The following CNDP1 variants were observed in gnomAD, a reference collection of about 807,000 sequenced individuals.
CNDP1 encodes the protein carnosine dipeptidase 1.
In CNDP1, 44 loss-of-function variants were observed where a neutral mutation model predicts 58.1. The observed-to-expected ratio is 0.76, with a 90% CI of 0.60 to 0.97. The LOEUF is 0.97. CNDP1 is among the 50% of genes least tolerant of loss of function. CNDP1 has a pLI of 0.00. For synonymous variants in CNDP1, 254 were observed against 252.6 expected, an observed-to-expected ratio of 1.01 and a Z score of -0.05; for missense variants, 616 against 655.1, an observed-to-expected ratio of 0.94 and a Z score of 0.65.
chr18:74,576,657 G>A (rs1599101734), intron 7 of CNDP1: 1 of 452,520 alleles, frequency 2.2e-6, no homozygotes, highest in Non-Finnish European at 3.9e-6. Context: ...ACTAAAGCAG[G>A]GCGGACTCCA....
intron 7 of CNDP1, among the ~76,000 whole-genome samples, chr18:74,572,986 T>C (rs1390298294): frequency 6.6e-6 from 1 of 152,142 alleles, no homozygotes; most frequent in Non-Finnish European, 1.5e-5. Context: ...CTCAAGGTCT[T>C]CAGCATCATT....
chr18:74,583,518 T>C (rs1270622511), intron 10 of CNDP1, 43 bp from the exon 11 acceptor site: 54 of 1,581,884 alleles, frequency 3.4e-5, no homozygotes, highest in Non-Finnish European at 4.7e-5. Context: ...CTGGGGGTGT[T>C]CTTGTCCTTA....
intron 10 of CNDP1, among the ~76,000 whole-genome samples, chr18:74,580,638 T>C (rs1264179250): frequency 6.6e-6 from 1 of 152,064 alleles, no homozygotes; most frequent in Non-Finnish European, 1.5e-5. Flanking sequence ...TACAAACTCA[T>C]AGAAATGTTG....
chr18:74,579,762 G>C (rs909609390), intron 9 of CNDP1, among the ~76,000 whole-genome samples: 1 of 152,208 alleles, frequency 6.6e-6, no homozygotes, highest in Admixed American at 6.5e-5. Context: ...ATTCAAAAGA[G>C]AAGTCCTGCT....
intron 1 of CNDP1, among the ~76,000 whole-genome samples, chr18:74,556,034 T>C (rs539868078): frequency 3.9e-5 from 6 of 152,222 alleles, no homozygotes; most frequent in Non-Finnish European, 2.9e-5. Flanking sequence ...GCAGCAGAAC[T>C]GGGCCTCCCC....
intron 1 of CNDP1, among the ~76,000 whole-genome samples, chr18:74,551,394 A>AC (rs397718968): frequency 0.032 from 4,785 of 150,538 alleles, 254 homozygotes; most frequent in African/African-American, 0.11. Context: ...ACACACACAC[A>AC]AACAAAAACA....
intron 7 of CNDP1, 100 bp from the exon 8 acceptor site, chr18:74,576,769 C>A: frequency 8.9e-7 from 1 of 1,123,040 alleles, no homozygotes; most frequent in Non-Finnish European, 1.3e-6. Context: ...GTCAAGAGGC[C>A]TGCTGCAACC....
chr18:74,575,267 A>G (rs1481630745), intron 7 of CNDP1, among the ~76,000 whole-genome samples: 2 of 152,154 alleles, frequency 1.3e-5, no homozygotes, highest in African/African-American at 4.8e-5. Flanking sequence ...GTAATTTAAA[A>G]TGATGCCGAG....
intron 7 of CNDP1, among the ~76,000 whole-genome samples, chr18:74,575,736 T>TGCGTGTGTGC (rs1981615105): frequency 6.6e-6 from 1 of 152,060 alleles, no homozygotes; most frequent in Non-Finnish European, 1.5e-5. Flanking sequence ...TGTGTGTGTG[T>TGCGTGTGTGC]GCGTGTGTGC....
intron 2 of CNDP1, 24 bp downstream of exon 2, chr18:74,556,490 T>C (rs1352381988): frequency 1.9e-6 from 3 of 1,612,774 alleles, no homozygotes; most frequent in Non-Finnish European, 2.5e-6. Flanking sequence ...ACTACACAAC[T>C]ACACACAGAA....
intron 1 of CNDP1, among the ~76,000 whole-genome samples, chr18:74,550,577 G>T (rs1980875324): frequency 7.0e-6 from 1 of 143,418 alleles, no homozygotes. Flanking sequence ...AGGCATTATT[G>T]AATTTTTTTT....
chr18:74,560,314 C>A (rs563437142), intron 3 of CNDP1, among the ~76,000 whole-genome samples: 2 of 152,140 alleles, frequency 1.3e-5, no homozygotes, highest in Non-Finnish European at 2.9e-5. Context: ...GTGCCCGGCC[C>A]GTCTGCATTC....
At chr18:74,556,567 C>A in intron 2 of CNDP1, 101 bp downstream of exon 2, 2 of 1,419,854 alleles carry the variant, frequency 1.4e-6, no homozygotes, top group Non-Finnish European at 2.0e-6. Context: ...GATTTTTTTG[C>A]CTAATTCCAT....
At chr18:74,543,330 A>G (rs1484345187) in intron 1 of CNDP1, among the ~76,000 whole-genome samples, 1 of 151,808 alleles carries the variant, frequency 6.6e-6, no homozygotes, top group Non-Finnish European at 1.5e-5. Flanking sequence ...CTGTTTCTAC[A>G]AAAAATACAA....
chr18:74,584,572 C>G lies in CNDP1; in HGVS notation c.*10C>G, dbSNP rs1247780622. 1.9e-6 allele frequency: 3 copies of G among 1,608,158 alleles called. No individual in the cohort carries two copies. Among genetic ancestry groups the G allele is most frequent in the East Asian group, 2.2e-5 (1 of 44,844 alleles). ...GGCCCAGCTCCATTAATCACAAGAA[C>G]CTTCTAGTCTGATCTGATCCACTGA... On this transcript the variant is annotated 3_prime_UTR_variant, in exon 12 of 12. Coordinates refer to ENST00000358821, the MANE Select transcript of CNDP1 (RefSeq NM_032649.6).
chr18:74,556,084 G>C (rs1162130481), intron 1 of CNDP1, among the ~76,000 whole-genome samples: 8 of 152,318 alleles, frequency 5.3e-5, no homozygotes, highest in Middle Eastern at 3.4e-3. Flanking sequence ...GGAATAAACG[G>C]AATGATGTTA....
chr18:74,573,784 C>T (rs1028034009), intron 7 of CNDP1, among the ~76,000 whole-genome samples: 5 of 152,240 alleles, frequency 3.3e-5, no homozygotes, highest in African/African-American at 1.2e-4. Context: ...AGCCAGGCAT[C>T]GGATTCCGTG....
intron 1 of CNDP1, among the ~76,000 whole-genome samples, chr18:74,538,397 T>G (rs1980535914): frequency 6.6e-6 from 1 of 152,266 alleles, no homozygotes; most frequent in African/African-American, 2.4e-5. Flanking sequence ...TAATACTCCA[T>G]TGTGTGAATA....
At chr18:74,573,450 A>ATCTATCTG (rs1981548523) in intron 7 of CNDP1, among the ~76,000 whole-genome samples, 1 of 108,052 alleles carries the variant, frequency 9.3e-6, no homozygotes, top group Non-Finnish European at 2.0e-5. Flanking sequence ...CTATGTATCT[A>ATCTATCTG]TGTATCTATC....
Sources: gnomAD v4.1 joint callset for allele counts (sites outside exome capture counted in the v4.1 genomes callset) on GRCh38, gnomAD v4.1.1 for gene constraint, MANE v1.5 for transcripts, NCBI Gene and HGNC (gene_info 2026-07-23, HGNC 2026-07-21) for gene names.